RAP1GDS1: variants seen among roughly 807,000 people sequenced by gnomAD.
The protein encoded by RAP1GDS1 is Rap1 GTPase-GDP dissociation stimulator 1, also known as RAP1, GTP-GDP dissociation stimulator 1.
In RAP1GDS1, 35 loss-of-function variants were observed where a neutral mutation model predicts 71.1. That is an observed-to-expected ratio of 0.49 (90% CI 0.38 to 0.65). The LOEUF is 0.65. RAP1GDS1 is among the 30% of genes least tolerant of loss of function. RAP1GDS1 has a pLI of 0.00. For synonymous variants in RAP1GDS1, 229 were observed against 243.1 expected (o/e 0.94, Z 0.54); for missense variants, 663 against 706.1 (o/e 0.94, Z 0.69).
At chr4:98,319,522 T>C (rs1731457038) in intron 2 of RAP1GDS1, among the ~76,000 whole-genome samples, 1 of 152,094 alleles carries the variant, frequency 6.6e-6, no homozygotes, top group Non-Finnish European at 1.5e-5. Context: ...GGCTCACACC[T>C]GTAATCCCAG....
chr4:98,363,435 C>A, intron 4 of RAP1GDS1, among the ~76,000 whole-genome samples: 1 of 126,642 alleles, frequency 7.9e-6, no homozygotes, highest in African/African-American at 3.0e-5. Context: ...AGTGAGCCAT[C>A]ACACCACAGC....
intron 13 of RAP1GDS1, among the ~76,000 whole-genome samples, chr4:98,434,396 G>T (rs928416681): frequency 2.6e-5 from 4 of 152,054 alleles, no homozygotes; most frequent in Admixed American, 6.6e-5. Context: ...CATATGAAGA[G>T]TCTGCTACTC....
intron 4 of RAP1GDS1, among the ~76,000 whole-genome samples, chr4:98,359,131 A>AT (rs1738362357): frequency 6.6e-6 from 1 of 152,010 alleles, no homozygotes; most frequent in South Asian, 2.1e-4. Flanking sequence ...AATGCCTGTA[A>AT]TTTTTTCTCC....
intron 3 of RAP1GDS1, among the ~76,000 whole-genome samples, chr4:98,346,268 TAAC>T (rs898261136): frequency 6.6e-6 from 1 of 152,182 alleles, no homozygotes; most frequent in African/African-American, 2.4e-5. Context: ...TGAGTGCTCT[TAAC>T]AACAAAAGAG....
At chr4:98,327,829 A>G (rs1280734421) in intron 2 of RAP1GDS1, among the ~76,000 whole-genome samples, 1 of 152,212 alleles carries the variant, frequency 6.6e-6, no homozygotes, top group Admixed American at 6.5e-5. Context: ...GTCTAAGCCT[A>G]TCTGGAGACC....
At chr4:98,316,968 C>T (rs940674865) in intron 2 of RAP1GDS1, among the ~76,000 whole-genome samples, 2 of 152,124 alleles carry the variant, frequency 1.3e-5, no homozygotes, top group Non-Finnish European at 2.9e-5. Context: ...AATTGGCTGT[C>T]GTGCAGTTAA....
At position 98,439,239 on chromosome 4, in the gene RAP1GDS1, A is replaced by G. The variant is rs1751578902; in HGVS notation, c.1696+2171A>G. Among the ~76,000 whole-genome samples the G allele has an allele frequency of 2.0e-5, 3 of 152,208 alleles. 1 individual carries two copies. In the South Asian group the frequency reaches 6.2e-4, roughly 32 times the overall value. Reference sequence around the variant, plus strand: ...TCTTTTCTTTCTTTACTTGAAAACTATTGTGCCACTTTTTTCTAGCCTCCC... The same window carrying G: ...TCTTTTCTTTCTTTACTTGAAAACTGTTGTGCCACTTTTTTCTAGCCTCCC... On this transcript the variant is annotated intron_variant, in intron 14 of 14. Transcript: ENST00000408927.
chr4:98,378,946 T>C (rs1741576562), intron 4 of RAP1GDS1, 71 bp from the exon 5 acceptor site: 5 of 1,326,270 alleles, frequency 3.8e-6, no homozygotes, highest in East Asian at 2.7e-5. Context: ...AACACTGTTA[T>C]GTTTTGTATT....
intron 1 of RAP1GDS1, among the ~76,000 whole-genome samples, chr4:98,281,059 G>T (rs1725010128): frequency 6.6e-6 from 1 of 152,128 alleles, no homozygotes; most frequent in African/African-American, 2.4e-5. Context: ...CTCCAGCTTT[G>T]TTCTTTTTGC....
intron 12 of RAP1GDS1, among the ~76,000 whole-genome samples, chr4:98,431,980 C>T (rs940378215): frequency 3.3e-5 from 5 of 151,842 alleles, no homozygotes; most frequent in Non-Finnish European, 7.4e-5. Flanking sequence ...ATGTGCACAA[C>T]GTGCAGATTT....
intron 2 of RAP1GDS1, among the ~76,000 whole-genome samples, chr4:98,295,995 A>G (rs529972037): frequency 1.3e-5 from 2 of 151,726 alleles, no homozygotes; most frequent in East Asian, 3.9e-4. Flanking sequence ...AAATTATAAA[A>G]CATTTAACTT....
intron 5 of RAP1GDS1, among the ~76,000 whole-genome samples, chr4:98,388,825 A>G (rs1015756674): frequency 6.6e-6 from 1 of 152,160 alleles, no homozygotes; most frequent in African/African-American, 2.4e-5. Flanking sequence ...GACCTAGAAG[A>G]CTTTTTTTAT....
intron 13 of RAP1GDS1, among the ~76,000 whole-genome samples, chr4:98,434,462 C>G (rs1043001191): frequency 5.9e-5 from 9 of 152,084 alleles, no homozygotes; most frequent in Non-Finnish European, 1.2e-4. Flanking sequence ...ACTACCGATT[C>G]TTTCTTGCTG....
intron 2 of RAP1GDS1, among the ~76,000 whole-genome samples, chr4:98,323,561 A>C (rs1220832280): frequency 7.0e-6 from 1 of 142,850 alleles, no homozygotes; most frequent in African/African-American, 2.7e-5. Context: ...GCACATCAAA[A>C]AGCTTATCCA....
chr4:98,312,929 C>T (rs1439310618), intron 2 of RAP1GDS1, among the ~76,000 whole-genome samples: 2 of 151,148 alleles, frequency 1.3e-5, no homozygotes, highest in East Asian at 2.0e-4. Flanking sequence ...ATTAGTCGGG[C>T]GAGGTGGCAG....
chr4:98,339,568 A>G (rs533943735), intron 2 of RAP1GDS1, among the ~76,000 whole-genome samples: 1 of 146,736 alleles, frequency 6.8e-6, no homozygotes, highest in East Asian at 2.0e-4. Context: ...ATCGTTTTTG[A>G]TTTTTTTTTT....
intron 2 of RAP1GDS1, among the ~76,000 whole-genome samples, chr4:98,305,073 T>C (rs1452334244): frequency 6.6e-6 from 1 of 152,210 alleles, no homozygotes; most frequent in Non-Finnish European, 1.5e-5. Context: ...TACTGTAGCC[T>C]TGTAGTATAG....
intron 1 of RAP1GDS1, among the ~76,000 whole-genome samples, chr4:98,281,154 T>C (rs1466339845): frequency 6.8e-6 from 1 of 147,530 alleles, no homozygotes; most frequent in Non-Finnish European, 1.5e-5. Flanking sequence ...AAGAAAGTCA[T>C]TGGTAGCTTG....
intron 1 of RAP1GDS1, among the ~76,000 whole-genome samples, chr4:98,276,210 A>G (rs552767428): frequency 6.6e-6 from 1 of 152,194 alleles, no homozygotes; most frequent in South Asian, 2.1e-4. Flanking sequence ...TAAGGGCACT[A>G]ATTCCATTCA....
Sources: gnomAD v4.1 joint callset for allele counts (sites outside exome capture counted in the v4.1 genomes callset) on GRCh38, gnomAD v4.1.1 for gene constraint, MANE v1.5 for transcripts, NCBI Gene and HGNC (gene_info 2026-07-23, HGNC 2026-07-21) for gene names.